The following TYW1 variants were observed in gnomAD, a reference collection of about 807,000 sequenced individuals.
TYW1 encodes the protein S-adenosyl-L-methionine-dependent tRNA 4-demethylwyosine synthase TYW1.
A neutral mutation model predicts 96.2 loss-of-function variants in TYW1; 46 were observed. The observed-to-expected ratio is 0.48, with a 90% CI of 0.38 to 0.61. The LOEUF is 0.61. Among genes scored for constraint, TYW1 ranks in the 20% least tolerant of loss-of-function variants. The probability of loss-of-function intolerance (pLI) is 0.00; values close to 1 mark genes in which losing one functional copy is unlikely to be tolerated. For missense variants in TYW1, 684 were observed against 909.6 expected, an observed-to-expected ratio of 0.75 and a Z score of 3.19; for synonymous variants, 274 against 323.0, an observed-to-expected ratio of 0.85 and a Z score of 1.63.
chr7:67,202,302 C>A (rs1184377958), intron 15 of TYW1, among the ~76,000 whole-genome samples: 2 of 152,162 alleles, frequency 1.3e-5, no homozygotes, highest in Non-Finnish European at 2.9e-5. Context: ...TCTTTAAGCT[C>A]CTGAGCTGGG....
At chr7:67,176,943 T>C (rs1385244098) in intron 13 of TYW1, among the ~76,000 whole-genome samples, 1 of 152,018 alleles carries the variant, frequency 6.6e-6, no homozygotes, top group East Asian at 1.9e-4. Flanking sequence ...AACCAAAAAA[T>C]TTTCTCAAGA....
At chr7:67,117,727 T>C in intron 13 of TYW1, 109 bp downstream of exon 13, 1 of 1,301,650 alleles carries the variant, frequency 7.7e-7, no homozygotes, top group Non-Finnish European at 9.9e-7. Context: ...TCCTCTTTTC[T>C]CTTTAAAATA....
intron 7 of TYW1, among the ~76,000 whole-genome samples, chr7:67,036,556 G>T (rs1159521476): frequency 6.6e-6 from 1 of 152,128 alleles, no homozygotes; most frequent in Non-Finnish European, 1.5e-5. Context: ...AGAGCCAGAG[G>T]TCAGGAGGGC....
intron 11 of TYW1, among the ~76,000 whole-genome samples, chr7:67,086,739 G>A (rs1470723271): frequency 6.6e-6 from 1 of 152,102 alleles, no homozygotes; most frequent in Non-Finnish European, 1.5e-5. Context: ...TTTACTGAAA[G>A]CCCAGCAATT....
intron 13 of TYW1, among the ~76,000 whole-genome samples, chr7:67,179,076 G>A (rs2116289143): frequency 7.1e-6 from 1 of 141,080 alleles, no homozygotes; most frequent in Non-Finnish European, 1.5e-5. Flanking sequence ...TCCTTGCAGA[G>A]CAGGGCTAAC....
At chr7:67,232,337 A>G (rs1308846948) in intron 15 of TYW1, among the ~76,000 whole-genome samples, 1 of 150,678 alleles carries the variant, frequency 6.6e-6, no homozygotes, top group East Asian at 1.9e-4. Context: ...ATGGGAGACT[A>G]AAGACCAGCC....
chr7:67,004,956 A>G (rs990996668), intron 3 of TYW1, among the ~76,000 whole-genome samples: 12 of 152,100 alleles, frequency 7.9e-5, no homozygotes, highest in Non-Finnish European at 1.6e-4. Context: ...GGGTTTCACC[A>G]TGTTGGTCAG....
chr7:67,218,132 T>C (rs1340227195), intron 15 of TYW1, among the ~76,000 whole-genome samples: 11 of 152,084 alleles, frequency 7.2e-5, no homozygotes, highest in African/African-American at 2.6e-4. Context: ...ATGCTGGGAT[T>C]ACAGGTGTGA....
chr7:67,059,183 T>C (rs191562722), intron 9 of TYW1, among the ~76,000 whole-genome samples: 1 of 149,986 alleles, frequency 6.7e-6, no homozygotes, highest in African/African-American at 2.4e-5. Context: ...TACTGCAGGC[T>C]CTGCCTCCCA....
chr7:67,135,543 A>G (rs557962737), intron 13 of TYW1, among the ~76,000 whole-genome samples: 9 of 151,046 alleles, frequency 6.0e-5, no homozygotes, highest in South Asian at 2.1e-4. Context: ...GCCTCAAGCA[A>G]TCCACCGCCT....
At chr7:67,016,568 A>C (rs542441411) in intron 5 of TYW1, among the ~76,000 whole-genome samples, 1 of 152,270 alleles carries the variant, frequency 6.6e-6, no homozygotes, top group Non-Finnish European at 1.5e-5. Flanking sequence ...AATAAATAAA[A>C]TAAAAGCTGT....
intron 9 of TYW1, among the ~76,000 whole-genome samples, chr7:67,063,908 G>A (rs1242920822): frequency 1.3e-5 from 2 of 152,154 alleles, no homozygotes; most frequent in African/African-American, 4.8e-5. Context: ...GCCGTATTCT[G>A]TATATTAACA....
intron 13 of TYW1, among the ~76,000 whole-genome samples, chr7:67,149,015 C>G (rs1226310190): frequency 6.6e-6 from 1 of 152,164 alleles, no homozygotes; most frequent in Non-Finnish European, 1.5e-5. Context: ...CCCCAACCCC[C>G]GGTCTTGACT....
chr7:67,183,909 C>G (rs1158532186), intron 14 of TYW1, among the ~76,000 whole-genome samples: 1 of 152,020 alleles, frequency 6.6e-6, no homozygotes, highest in East Asian at 1.9e-4. Context: ...CTTACTGCAG[C>G]CTCCAACTCT....
chr7:67,020,363 C>T (rs1438926445), intron 6 of TYW1, among the ~76,000 whole-genome samples: 1 of 18,506 alleles, frequency 5.4e-5, no homozygotes, highest in Non-Finnish European at 2.3e-4. Context: ...CTCAGGCTCC[C>T]GAGTAGCTGA....
chr7:67,106,061 C>A (rs1028184978), intron 12 of TYW1, among the ~76,000 whole-genome samples: 1 of 151,940 alleles, frequency 6.6e-6, no homozygotes, highest in Non-Finnish European at 1.5e-5. Context: ...CCACACCCGG[C>A]TAATTTTGTA....
chr7:67,109,097 C>T (rs1490359915), intron 12 of TYW1, among the ~76,000 whole-genome samples: 2 of 151,374 alleles, frequency 1.3e-5, no homozygotes, highest in Admixed American at 1.3e-4. Flanking sequence ...CACGGTGAAA[C>T]CCTGTCTCTA....
chr7:67,176,540 T>C (rs1217706953), intron 13 of TYW1, among the ~76,000 whole-genome samples: 1 of 152,166 alleles, frequency 6.6e-6, no homozygotes, highest in Admixed American at 6.6e-5. Flanking sequence ...TCTTCTTGAG[T>C]TGATAATTTT....
At chr7:67,037,960 A>G (rs1228616918) in intron 7 of TYW1, among the ~76,000 whole-genome samples, 1 of 152,208 alleles carries the variant, frequency 6.6e-6, no homozygotes, top group East Asian at 1.9e-4. Flanking sequence ...CTGAAATCCA[A>G]AATGCTTCAA....
Sources: gnomAD v4.1 joint callset for allele counts (sites outside exome capture counted in the v4.1 genomes callset) on GRCh38, gnomAD v4.1.1 for gene constraint, MANE v1.5 for transcripts, NCBI Gene and HGNC (gene_info 2026-07-23, HGNC 2026-07-21) for gene names.